Variants in GPC6 observed in about 807,000 individuals in gnomAD.
The protein encoded by GPC6 is glypican 6, also known as glypican-6.
In GPC6, 14 loss-of-function variants were observed where a neutral mutation model predicts 55.2. The observed-to-expected ratio is 0.25, with a 90% CI of 0.17 to 0.40. The LOEUF is 0.40. Ranked by LOEUF, GPC6 falls within the 10% of genes least tolerant of loss-of-function variation. The pLI, the probability that GPC6 is intolerant of heterozygous loss-of-function variation, is 1.00. For synonymous variants in GPC6, 278 were observed against 259.6 expected, an observed-to-expected ratio of 1.07 and a Z score of -0.68; for missense variants, 641 against 708.5, an observed-to-expected ratio of 0.90 and a Z score of 1.08.
intron 4 of GPC6, among the ~76,000 whole-genome samples, chr13:94,269,634 G>C (rs144484141): frequency 6.6e-6 from 1 of 151,812 alleles, no homozygotes; most frequent in Non-Finnish European, 1.5e-5. Context: ...CATTTGTCTC[G>C]ACCACCTGCG....
intron 3 of GPC6, among the ~76,000 whole-genome samples, chr13:93,999,062 G>A (rs1183608865): frequency 6.6e-6 from 1 of 151,970 alleles, no homozygotes; most frequent in Non-Finnish European, 1.5e-5. Flanking sequence ...TAAGTTCTGG[G>A]GTACATGTGC....
chr13:93,426,787 G>C (rs1877145085), intron 1 of GPC6, among the ~76,000 whole-genome samples: 1 of 151,800 alleles, frequency 6.6e-6, no homozygotes, highest in Non-Finnish European at 1.5e-5. Context: ...GGTATTTCTA[G>C]TTCTAGATCC....
intron 3 of GPC6, among the ~76,000 whole-genome samples, chr13:93,850,133 AT>A (rs1374008986): frequency 1.3e-5 from 2 of 152,098 alleles, no homozygotes; most frequent in Admixed American, 1.3e-4. Flanking sequence ...CAAACCACGC[AT>A]GAAAAAGACA....
At chr13:94,175,955 TAGAGAGAGAGAGAGAG>T (rs1555304120) in intron 4 of GPC6, among the ~76,000 whole-genome samples, 1 of 78,526 alleles carries the variant, frequency 1.3e-5, no homozygotes, top group East Asian at 4.4e-4. Context: ...TATATATATA[TAGAGAGAGAGAGAGAG>T]AGAGAGAGAG....
chr13:94,401,287 T>C lies in GPC6; in HGVS notation c.1466-1728T>C, dbSNP rs1333768828. ...CAAAGATTATGTCCTCAGTTAACAT[T>C]CTTGAGAAGGAGATAAACAGTAAGC... On this transcript the variant is annotated intron_variant, in intron 8 of 8. Transcript: ENST00000377047. 3.9e-5 allele frequency among the ~76,000 whole-genome samples: 6 copies of C among 152,166 alleles called. No individual in the cohort carries two copies. In the East Asian group the frequency reaches 1.2e-3, roughly 29 times the overall value.
intron 2 of GPC6, among the ~76,000 whole-genome samples, chr13:93,750,739 C>A (rs1244668925): frequency 6.6e-6 from 1 of 152,182 alleles, no homozygotes; most frequent in Admixed American, 6.5e-5. Context: ...TTCAGTCAAC[C>A]CTTGTGAGGC....
intron 6 of GPC6, among the ~76,000 whole-genome samples, chr13:94,348,778 C>G (rs1471099925): frequency 2.0e-5 from 3 of 152,160 alleles, no homozygotes; most frequent in Middle Eastern, 3.2e-3. Flanking sequence ...TCTTGAATCC[C>G]TGATTAAATG....
intron 3 of GPC6, among the ~76,000 whole-genome samples, chr13:93,858,225 C>G (rs1283820504): frequency 6.6e-6 from 1 of 151,580 alleles, no homozygotes; most frequent in South Asian, 2.1e-4. Context: ...TTGAGGTGGT[C>G]AAATTAATCC....
chr13:94,297,253 C>A (rs182890174), intron 5 of GPC6, among the ~76,000 whole-genome samples: 8 of 152,132 alleles, frequency 5.3e-5, no homozygotes, highest in Non-Finnish European at 1.2e-4. Flanking sequence ...ATTGGCATAT[C>A]CCCAGCACTT....
intron 3 of GPC6, among the ~76,000 whole-genome samples, chr13:93,957,546 G>C (rs1879563046): frequency 1.3e-5 from 2 of 152,126 alleles, no homozygotes; most frequent in Admixed American, 1.3e-4. Flanking sequence ...TGCTGCAAAG[G>C]ACACTATCTC....
At chr13:94,271,576 C>T (rs1429852447) in intron 4 of GPC6, among the ~76,000 whole-genome samples, 2 of 152,116 alleles carry the variant, frequency 1.3e-5, no homozygotes, top group African/African-American at 4.8e-5. Context: ...GTCTTAGTTT[C>T]CCCAACCATT....
chr13:93,884,717 TC>T (rs1429673380), intron 3 of GPC6, among the ~76,000 whole-genome samples: 1 of 152,084 alleles, frequency 6.6e-6, no homozygotes, highest in Non-Finnish European at 1.5e-5. Context: ...ATTTTAAACG[TC>T]CCTCCATACA....
intron 1 of GPC6, among the ~76,000 whole-genome samples, chr13:93,289,691 A>G (rs1165294093): frequency 6.6e-6 from 1 of 152,194 alleles, no homozygotes. Context: ...AAATCCTACC[A>G]AGAGGGTCAG....
At chr13:93,317,305 C>A (rs896802467) in intron 1 of GPC6, among the ~76,000 whole-genome samples, 2 of 152,052 alleles carry the variant, frequency 1.3e-5, no homozygotes, top group Non-Finnish European at 2.9e-5. Context: ...ACTTATCAGA[C>A]ACCTCAATGT....
chr13:93,472,141 T>G (rs1477686461), intron 1 of GPC6, among the ~76,000 whole-genome samples: 7 of 152,240 alleles, frequency 4.6e-5, no homozygotes, highest in Non-Finnish European at 1.0e-4. Flanking sequence ...TCCTTTCCTG[T>G]GCAATCGAGA....
intron 1 of GPC6, among the ~76,000 whole-genome samples, chr13:93,271,806 A>G (rs1877536829): frequency 6.6e-6 from 1 of 152,208 alleles, no homozygotes. Flanking sequence ...TATAATGAGA[A>G]ATAGTAATAC....
intron 4 of GPC6, among the ~76,000 whole-genome samples, chr13:94,038,466 T>G (rs1486040087): frequency 6.6e-6 from 1 of 151,900 alleles, no homozygotes; most frequent in African/African-American, 2.4e-5. Context: ...ATGTGTGCTT[T>G]CAAAGTGGGC....
intron 2 of GPC6, among the ~76,000 whole-genome samples, chr13:93,790,451 G>A (rs1885994687): frequency 6.6e-6 from 1 of 152,130 alleles, no homozygotes; most frequent in African/African-American, 2.4e-5. Context: ...AGAAAGCCTA[G>A]AAGGAAACTC....
intron 2 of GPC6, among the ~76,000 whole-genome samples, chr13:93,548,379 T>C (rs1437893320): frequency 2.0e-5 from 3 of 152,204 alleles, no homozygotes; most frequent in Non-Finnish European, 4.4e-5. Context: ...CAATTTAAAT[T>C]GCATACATGT....
Sources: allele counts gnomAD v4.1 joint callset (sites outside exome capture counted in the v4.1 genomes callset), GRCh38; gene constraint gnomAD v4.1.1; transcripts MANE v1.5; gene names NCBI Gene and HGNC (gene_info 2026-07-23, HGNC 2026-07-21).